Variants in ADGRB3 observed in about 807,000 individuals in gnomAD.
ADGRB3 encodes the protein adhesion G protein-coupled receptor B3, also known as brain-specific angiogenesis inhibitor 3.
In ADGRB3, 37 loss-of-function variants were observed where a neutral mutation model predicts 193.4. The observed-to-expected ratio is 0.19, with a 90% CI of 0.15 to 0.25. The LOEUF (loss-of-function observed/expected upper bound fraction) is 0.25. Ranked by LOEUF, ADGRB3 falls within the 10% of genes least tolerant of loss-of-function variation. The pLI is 1.00. For synonymous variants in ADGRB3, 690 were observed against 644.2 expected (o/e 1.07, Z -1.08); for missense variants, 1,637 against 1,852.9 (o/e 0.88, Z 2.14).
chr6:69,292,481 T>C (rs1326525270), intron 20 of ADGRB3, among the ~76,000 whole-genome samples: 3 of 152,200 alleles, frequency 2.0e-5, no homozygotes, highest in Non-Finnish European at 4.4e-5. Flanking sequence ...CATTAGTTTG[T>C]ATATGAATGC....
At chr6:69,169,544 A>G (rs1338576293) in intron 17 of ADGRB3, among the ~76,000 whole-genome samples, 1 of 149,948 alleles carries the variant, frequency 6.7e-6, no homozygotes, top group Non-Finnish European at 1.5e-5. Flanking sequence ...ATTATAATAT[A>G]AGCACGAATT....
At chr6:69,159,917 T>C (rs970193032) in intron 17 of ADGRB3, among the ~76,000 whole-genome samples, 1 of 152,120 alleles carries the variant, frequency 6.6e-6, no homozygotes, top group African/African-American at 2.4e-5. Flanking sequence ...ACTCTATCCT[T>C]CCAGTTGATC....
chr6:68,785,252 C>T (rs1582199461), intron 3 of ADGRB3, among the ~76,000 whole-genome samples: 2 of 151,536 alleles, frequency 1.3e-5, no homozygotes, highest in African/African-American at 2.4e-5. Flanking sequence ...GTGTGCTGCA[C>T]CCATTAACTC....
chr6:69,247,473 A>G (rs1280310748), intron 20 of ADGRB3, among the ~76,000 whole-genome samples: 1 of 152,120 alleles, frequency 6.6e-6, no homozygotes, highest in East Asian at 1.9e-4. Context: ...TCTTATGGCT[A>G]TGGGAGTTCC....
intron 17 of ADGRB3, among the ~76,000 whole-genome samples, chr6:69,159,345 T>C (rs568377762): frequency 4.6e-4 from 70 of 152,268 alleles, no homozygotes; most frequent in African/African-American, 1.6e-3. Context: ...GTATAAACTA[T>C]AATTTATTTT....
At chr6:69,112,419 A>G (rs1039901531) in intron 17 of ADGRB3, among the ~76,000 whole-genome samples, 1 of 152,236 alleles carries the variant, frequency 6.6e-6, no homozygotes, top group African/African-American at 2.4e-5. Context: ...CCTGGTTGCA[A>G]TAAAGGCTAG....
intron 3 of ADGRB3, among the ~76,000 whole-genome samples, chr6:68,910,629 T>G (rs564206424): frequency 1.3e-4 from 20 of 152,176 alleles, no homozygotes; most frequent in South Asian, 4.1e-4. Flanking sequence ...CATATGGCTA[T>G]CCAGTTTTCC....
intron 3 of ADGRB3, among the ~76,000 whole-genome samples, chr6:68,925,613 T>A (rs1767158035): frequency 6.6e-6 from 1 of 152,084 alleles, no homozygotes; most frequent in Non-Finnish European, 1.5e-5. Flanking sequence ...ATTGTATTTC[T>A]CTTTGGCGAC....
In ADGRB3 at chr6:69,333,181, G is replaced by A. The variant is rs185313708; in HGVS notation, c.3188+173G>A. On this transcript the variant is annotated intron_variant, in intron 24 of 31. Coordinates refer to ENST00000370598, the MANE Select transcript of ADGRB3 (RefSeq NM_001704.3). ...CCAATGTGCTATTTTTAAGCAATAC[G>A]ACCAAAAATCTAAAACTACTATAAC... is the stretch of plus-strand genomic sequence containing the variant. Among the ~76,000 whole-genome samples, 10 of 152,242 alleles carry A rather than the reference G, an allele frequency of 6.6e-5. No homozygotes were observed. The East Asian group carries it at 7.7e-4, about 12-fold the overall frequency.
At chr6:68,790,699 A>G (rs571085134) in intron 3 of ADGRB3, among the ~76,000 whole-genome samples, 96 of 152,332 alleles carry the variant, frequency 6.3e-4, no homozygotes, top group South Asian at 4.1e-4. Flanking sequence ...GACCTCTAGC[A>G]AACTCCAACA....
intron 3 of ADGRB3, among the ~76,000 whole-genome samples, chr6:68,853,369 A>C (rs533786827): frequency 1.3e-5 from 2 of 152,172 alleles, no homozygotes; most frequent in South Asian, 4.1e-4. Context: ...TAATAACCAT[A>C]AGTTGAAATA....
intron 7 of ADGRB3, 116 bp downstream of exon 7, chr6:68,956,304 T>C: frequency 3.6e-6 from 3 of 840,364 alleles, no homozygotes; most frequent in Non-Finnish European, 5.1e-6. Context: ...TATATATATG[T>C]GTGTGTGTGT....
chr6:68,963,203 G>A (rs965744368), intron 8 of ADGRB3, among the ~76,000 whole-genome samples: 2 of 152,122 alleles, frequency 1.3e-5, no homozygotes, highest in African/African-American at 4.8e-5. Flanking sequence ...ACAAAGTACC[G>A]ACTTGGGCCT....
chr6:69,095,852 T>C lies in ADGRB3; in HGVS notation c.2480+19814T>C, dbSNP rs552593524. Among the ~76,000 whole-genome samples, 108 of 152,304 alleles carry C rather than the reference T, an allele frequency of 7.1e-4. 1 individual carries two copies. In the South Asian group the frequency reaches 0.012, roughly 17 times the overall value. On this transcript the variant is annotated intron_variant, in intron 17 of 31. Coordinates refer to ENST00000370598, the MANE Select transcript of ADGRB3 (RefSeq NM_001704.3). ...ACAACCCTCTTGCTTGTTTGTACTGTTGTATTGCATATGAAATTTCTAAAA... is the reference window on the plus strand; with the variant it reads ...ACAACCCTCTTGCTTGTTTGTACTGCTGTATTGCATATGAAATTTCTAAAA...
intron 18 of ADGRB3, among the ~76,000 whole-genome samples, chr6:69,234,691 T>A (rs1320218778): frequency 6.6e-6 from 1 of 152,142 alleles, no homozygotes; most frequent in Non-Finnish European, 1.5e-5. Context: ...AAATGAGTGA[T>A]GCTTTAAATT....
chr6:68,702,278 G>A (rs561561967), intron 3 of ADGRB3, among the ~76,000 whole-genome samples: 1 of 152,050 alleles, frequency 6.6e-6, no homozygotes, highest in African/African-American at 2.4e-5. Context: ...GATCTCATAA[G>A]TCACTCACTT....
intron 17 of ADGRB3, among the ~76,000 whole-genome samples, chr6:69,103,854 G>GTGACAGTAGGAAAACT (rs1190958322): frequency 6.6e-6 from 1 of 151,500 alleles, no homozygotes; most frequent in Non-Finnish European, 1.5e-5. Context: ...TTATCAGGCA[G>GTGACAGTAGGAAAACT]TGACAGTAGG....
intron 3 of ADGRB3, among the ~76,000 whole-genome samples, chr6:68,883,462 G>A (rs927504838): frequency 1.1e-4 from 16 of 152,144 alleles, no homozygotes; most frequent in African/African-American, 3.4e-4. Context: ...TTTGCTCTTT[G>A]CAATAAATCT....
At chr6:68,845,279 C>A (rs1322634081) in intron 3 of ADGRB3, among the ~76,000 whole-genome samples, 1 of 151,998 alleles carries the variant, frequency 6.6e-6, no homozygotes, top group Non-Finnish European at 1.5e-5. Context: ...GTGGAAGACA[C>A]AGAAGATAAA....
Sources: gnomAD v4.1 joint callset for allele counts (sites outside exome capture counted in the v4.1 genomes callset) on GRCh38, gnomAD v4.1.1 for gene constraint, MANE v1.5 for transcripts, NCBI Gene and HGNC (gene_info 2026-07-23, HGNC 2026-07-21) for gene names.